Variants in COX7B2 observed in about 807,000 individuals in gnomAD.
COX7B2 encodes cytochrome c oxidase subunit 7B2.
For synonymous variants in COX7B2, 37 were observed against 32.1 expected (o/e 1.15, Z -0.51); for missense variants, 109 against 95.9 (o/e 1.14, Z -0.57).
chr4:46,764,195 A>C (rs1208647293), intron 2 of COX7B2, among the ~76,000 whole-genome samples: 2 of 152,190 alleles, frequency 1.3e-5, no homozygotes, highest in African/African-American at 4.8e-5. Context: ...GCACTACTTA[A>C]GTTCCTCTTT....
At chr4:46,815,598 T>C (rs1719510564) in intron 2 of COX7B2, among the ~76,000 whole-genome samples, 1 of 152,096 alleles carries the variant, frequency 6.6e-6, no homozygotes, top group Non-Finnish European at 1.5e-5. Context: ...ATCTGTATTC[T>C]CCTACAGCTG....
intron 1 of COX7B2, among the ~76,000 whole-genome samples, chr4:46,855,339 A>G (rs1029737015): frequency 4.6e-5 from 7 of 152,050 alleles, no homozygotes; most frequent in African/African-American, 1.7e-4. Flanking sequence ...TATATTATTT[A>G]TTTGATTAAA....
chr4:46,878,492 T>C (rs6824583), intron 1 of COX7B2, among the ~76,000 whole-genome samples: 20,377 of 151,642 alleles, frequency 0.13, 1,493 homozygotes, highest in South Asian at 0.26. Flanking sequence ...ATTATATATA[T>C]ATATATATAG....
At chr4:46,738,904 C>T (rs919099284) in intron 2 of COX7B2, among the ~76,000 whole-genome samples, 5 of 152,006 alleles carry the variant, frequency 3.3e-5, no homozygotes, top group Non-Finnish European at 7.4e-5. Context: ...GTGAAGTATT[C>T]ATTGAAGTTG....
intron 2 of COX7B2, among the ~76,000 whole-genome samples, chr4:46,743,808 C>T (rs1424401136): frequency 6.6e-6 from 1 of 152,102 alleles, no homozygotes; most frequent in African/African-American, 2.4e-5. Flanking sequence ...TTTTGCAGAA[C>T]ACAATTAGGG....
At chr4:46,764,636 G>T (rs1425015770) in intron 2 of COX7B2, among the ~76,000 whole-genome samples, 1 of 151,262 alleles carries the variant, frequency 6.6e-6, no homozygotes, top group Non-Finnish European at 1.5e-5. Flanking sequence ...AGGCACAGTG[G>T]CTCACTGAAC....
chr4:46,839,630 G>A (rs537362699), intron 2 of COX7B2, among the ~76,000 whole-genome samples: 1 of 152,002 alleles, frequency 6.6e-6, no homozygotes, highest in Non-Finnish European at 1.5e-5. Flanking sequence ...CATATTTTAG[G>A]GCATCCTGAT....
chr4:46,824,116 G>T (rs1031580790), intron 2 of COX7B2, among the ~76,000 whole-genome samples: 5 of 152,100 alleles, frequency 3.3e-5, no homozygotes, highest in Non-Finnish European at 7.4e-5. Flanking sequence ...GACGGAGCTA[G>T]TAAGAAACTG....
chr4:46,838,222 G>A (rs777117530), intron 2 of COX7B2, among the ~76,000 whole-genome samples: 4 of 151,906 alleles, frequency 2.6e-5, no homozygotes, highest in Non-Finnish European at 5.9e-5. Flanking sequence ...AAATAATTAT[G>A]CTGCCTCATA....
chr4:46,823,984 CAAATTTAATAGCTTCAGTG>C (rs1714495144), intron 2 of COX7B2, among the ~76,000 whole-genome samples: 1 of 151,732 alleles, frequency 6.6e-6, no homozygotes, highest in South Asian at 2.1e-4. Flanking sequence ...TCTATTCCCC[CAAATTTAATAGCTTCAGTG>C]AAATTTACCA....
intron 2 of COX7B2, among the ~76,000 whole-genome samples, chr4:46,747,683 C>G (rs1715107098): frequency 1.3e-5 from 2 of 152,134 alleles, no homozygotes; most frequent in Admixed American, 6.5e-5. Context: ...TTAAAGGTGA[C>G]CTTCAAGTGC....
chr4:46,908,244 C>G (rs1217486672), intron 1 of COX7B2, among the ~76,000 whole-genome samples: 3 of 152,120 alleles, frequency 2.0e-5, no homozygotes, highest in African/African-American at 7.2e-5. Context: ...ACTTTGAGAT[C>G]TGTAAGGCTC....
intron 1 of COX7B2, among the ~76,000 whole-genome samples, chr4:46,885,942 A>T (rs1719059457): frequency 2.0e-5 from 3 of 152,190 alleles, no homozygotes; most frequent in Non-Finnish European, 4.4e-5. Flanking sequence ...TTCATGTTAG[A>T]ATAAATGTAT....
At chr4:46,823,903 T>TGA (rs796346772) in intron 2 of COX7B2, among the ~76,000 whole-genome samples, 55 of 149,610 alleles carry the variant, frequency 3.7e-4, no homozygotes, top group African/African-American at 1.3e-3. Flanking sequence ...ATATCAGGAA[T>TGA]GAAAAAAAAA....
At chr4:46,899,922 A>G (rs1215020557) in intron 1 of COX7B2, among the ~76,000 whole-genome samples, 1 of 152,162 alleles carries the variant, frequency 6.6e-6, no homozygotes, top group East Asian at 1.9e-4. Context: ...AAATAAAACA[A>G]CCCTAGATTT....
intron 2 of COX7B2, among the ~76,000 whole-genome samples, chr4:46,843,753 C>A (rs1160597949): frequency 6.6e-6 from 1 of 151,748 alleles, no homozygotes; most frequent in Non-Finnish European, 1.5e-5. Flanking sequence ...GAAGAAGAGA[C>A]AATTAGGGAA....
chr4:46,738,590 C>T (rs1442777548), intron 2 of COX7B2, among the ~76,000 whole-genome samples: 2 of 151,902 alleles, frequency 1.3e-5, no homozygotes, highest in African/African-American at 4.8e-5. Context: ...AGGAATTTTC[C>T]ATATTGTTTA....
At chr4:46,852,303 T>C (rs1380843621) in intron 1 of COX7B2, among the ~76,000 whole-genome samples, 2 of 152,164 alleles carry the variant, frequency 1.3e-5, no homozygotes, top group Non-Finnish European at 2.9e-5. Flanking sequence ...CCTATGCTCT[T>C]GTGACAAACC....
intron 2 of COX7B2, among the ~76,000 whole-genome samples, chr4:46,786,474 AT>A (rs1717758505): frequency 6.6e-6 from 1 of 152,132 alleles, no homozygotes; most frequent in African/African-American, 2.4e-5. Context: ...ATGCTTACTT[AT>A]TTTGCTTCTA....
Sources: gnomAD v4.1 joint callset for allele counts (sites outside exome capture counted in the v4.1 genomes callset) on GRCh38, gnomAD v4.1.1 for gene constraint, MANE v1.5 for transcripts, NCBI Gene and HGNC (gene_info 2026-07-23, HGNC 2026-07-21) for gene names.